The following EEFSEC variants were observed in gnomAD, a reference collection of about 807,000 sequenced individuals.
The protein encoded by EEFSEC is eukaryotic elongation factor, selenocysteine-tRNA specific.
Under a neutral mutation model 42.1 loss-of-function variants are expected in EEFSEC, and 43 were observed. The observed-to-expected ratio is 1.02, with a 90% confidence interval of 0.80 to 1.32. EEFSEC has a LOEUF of 1.32. Ranked by LOEUF, EEFSEC falls within the 40% of genes most tolerant of loss-of-function variation. EEFSEC has a pLI of 0.00. For synonymous variants in EEFSEC, 354 were observed against 339.1 expected (o/e 1.04, Z -0.48); for missense variants, 745 against 803.6 (o/e 0.93, Z 0.88).
At chr3:128,295,904 A>C (rs1478739601) in intron 4 of EEFSEC, among the ~76,000 whole-genome samples, 2 of 152,150 alleles carry the variant, frequency 1.3e-5, no homozygotes, top group Non-Finnish European at 2.9e-5. Flanking sequence ...GAAAAGCAAA[A>C]AAGGAATGCT....
rs972719180 is a variant in EEFSEC, at chr3:128,351,292, T to C, written c.1444-6925T>C. On this transcript the variant is annotated intron_variant, in intron 5 of 6. Transcript: ENST00000254730. ...TCTTATTCTTCTGCTTCTCCCACAA[T>C]TTGACATCCACTAATTGAGATTCTT... Among the ~76,000 whole-genome samples, 4 of 152,246 alleles carry C rather than the reference T, an allele frequency of 2.6e-5. No homozygotes were observed. In the East Asian group the frequency reaches 7.7e-4, roughly 29 times the overall value.
intron 1 of EEFSEC, among the ~76,000 whole-genome samples, chr3:128,238,253 C>G (rs1336865600): frequency 6.6e-6 from 1 of 152,188 alleles, no homozygotes; most frequent in Non-Finnish European, 1.5e-5. Context: ...GAATGCATGC[C>G]TGTTCTCCAG....
chr3:128,200,849 G>A (rs746714406), intron 1 of EEFSEC, among the ~76,000 whole-genome samples: 1 of 152,110 alleles, frequency 6.6e-6, no homozygotes, highest in Non-Finnish European at 1.5e-5. Context: ...GGACATCTGT[G>A]GTCACTTGTG....
chr3:128,417,149 TCTC>T, the EEFSEC span, among the ~76,000 whole-genome samples: 2 of 151,950 alleles, frequency 1.3e-5, no homozygotes, highest in African/African-American at 4.8e-5. The surrounding 1 kb of genome is among the most constrained non-coding windows in gnomAD (Gnocchi z 4.3). Context: ...CTCACCCTGG[TCTC>T]CTGCTCTGCC....
chr3:128,284,431 G>C (rs1258026019), intron 4 of EEFSEC, among the ~76,000 whole-genome samples: 1 of 152,046 alleles, frequency 6.6e-6, no homozygotes, highest in African/African-American at 2.4e-5. Flanking sequence ...AGGGCCTTGG[G>C]GGCCTGCCCA....
intron 4 of EEFSEC, among the ~76,000 whole-genome samples, chr3:128,311,994 T>A (rs1940132687): frequency 6.6e-6 from 1 of 152,142 alleles, no homozygotes; most frequent in Non-Finnish European, 1.5e-5. Context: ...CCCCAGCACC[T>A]AGTACCGTGC....
chr3:128,366,951 T>C (rs968936272), intron 6 of EEFSEC, among the ~76,000 whole-genome samples: 2 of 152,220 alleles, frequency 1.3e-5, no homozygotes, highest in African/African-American at 4.8e-5. Context: ...TCATTTCCTG[T>C]CAGTTCTGGA....
intron 6 of EEFSEC, chr3:128,362,170 C>G: frequency 1.9e-6 from 1 of 513,214 alleles, no homozygotes; most frequent in South Asian, 1.5e-5. Context: ...AGCCGTCTGT[C>G]CCACCGCTGC....
intron 4 of EEFSEC, among the ~76,000 whole-genome samples, chr3:128,272,634 A>G (rs2066426484): frequency 6.6e-6 from 1 of 152,210 alleles, no homozygotes; most frequent in Non-Finnish European, 1.5e-5. Context: ...GGACCAAAGT[A>G]TCATTTATGA....
At chr3:128,283,494 C>T (rs1383563783) in intron 4 of EEFSEC, among the ~76,000 whole-genome samples, 1 of 152,182 alleles carries the variant, frequency 6.6e-6, no homozygotes, top group Non-Finnish European at 1.5e-5. Context: ...CTCTACCCTC[C>T]AGGCAGCCCA....
chr3:128,183,347 C>T (rs887034114), intron 1 of EEFSEC, among the ~76,000 whole-genome samples: 1 of 152,036 alleles, frequency 6.6e-6, no homozygotes, highest in African/African-American at 2.4e-5. Flanking sequence ...AACATTTGAC[C>T]CCAACCTGTT....
intron 6 of EEFSEC, among the ~76,000 whole-genome samples, chr3:128,378,880 A>G (rs1378219094): frequency 6.6e-6 from 1 of 152,122 alleles, no homozygotes; most frequent in Non-Finnish European, 1.5e-5. Flanking sequence ...GTGAGGGCAA[A>G]CTCTCCACAG....
At position 128,201,741 on chromosome 3, in the gene EEFSEC, A is replaced by G. The variant is rs116598773; in HGVS notation, c.317-45095A>G. Among the ~76,000 whole-genome samples the G allele has an allele frequency of 4.7e-3, 714 of 152,260 alleles. 4 individuals are homozygous for G. Among genetic ancestry groups the G allele is most frequent in the African/African-American group, 0.015 (616 of 41,548 alleles). On this transcript the variant is annotated intron_variant, in intron 1 of 6. Transcript: ENST00000254730. ...CTAATTTATCACTTTTTTCTGTTGTAGTTACTGCTTTCTATGTTCTAAGTA... is the reference window on the plus strand; with the variant it reads ...CTAATTTATCACTTTTTTCTGTTGTGGTTACTGCTTTCTATGTTCTAAGTA...
intron 1 of EEFSEC, among the ~76,000 whole-genome samples, chr3:128,245,225 A>G (rs547326275): frequency 7.7e-4 from 117 of 152,346 alleles, no homozygotes; most frequent in African/African-American, 2.3e-3. Flanking sequence ...TGAGCCTGCC[A>G]TGGGCTATGG....
chr3:128,259,876 GTTGTGTATATATACACAACATAGT>G (rs542929310), intron 2 of EEFSEC, among the ~76,000 whole-genome samples: 169 of 152,064 alleles, frequency 1.1e-3, no homozygotes, highest in African/African-American at 3.8e-3. Context: ...ATAATATTCT[GTTGTGTATATATACACAACATAGT>G]TTGTGTATCC....
chr3:128,389,839 A>G (rs2067886849), intron 6 of EEFSEC, among the ~76,000 whole-genome samples: 1 of 152,196 alleles, frequency 6.6e-6, no homozygotes, highest in African/African-American at 2.4e-5. Context: ...GATGTGAACT[A>G]ACTAGCTTGA....
chr3:128,327,025 C>A (rs2067071274), intron 4 of EEFSEC, among the ~76,000 whole-genome samples: 2 of 152,134 alleles, frequency 1.3e-5, no homozygotes, highest in South Asian at 4.1e-4. Flanking sequence ...CTGGCCATGC[C>A]CCACATGGAT....
intron 5 of EEFSEC, among the ~76,000 whole-genome samples, chr3:128,344,060 A>G (rs1399530640): frequency 6.6e-6 from 1 of 152,246 alleles, no homozygotes; most frequent in Admixed American, 6.5e-5. Flanking sequence ...AAGGGAGGAA[A>G]GGGCATGGGT....
At chr3:128,374,805 C>T (rs2067691563) in intron 6 of EEFSEC, among the ~76,000 whole-genome samples, 1 of 152,120 alleles carries the variant, frequency 6.6e-6, no homozygotes, top group African/African-American at 2.4e-5. Context: ...TTGAAATTGC[C>T]ATTTTGCAAA....
Sources: allele counts gnomAD v4.1 joint callset (sites outside exome capture counted in the v4.1 genomes callset), GRCh38; gene constraint gnomAD v4.1.1; non-coding constraint Gnocchi (gnomAD v3.1); transcripts MANE v1.5; gene names NCBI Gene and HGNC (gene_info 2026-07-23, HGNC 2026-07-21).